PRKAR1A: variants seen among roughly 807,000 people sequenced by gnomAD.
PRKAR1A encodes the protein protein kinase cAMP-dependent type I regulatory subunit alpha, also known as cAMP-dependent protein kinase type I-alpha regulatory subunit.
A neutral mutation model predicts 52.0 loss-of-function variants in PRKAR1A; 3 were observed. The observed-to-expected ratio is 0.06, with a 90% CI of 0.03 to 0.15. The LOEUF (loss-of-function observed/expected upper bound fraction) is 0.15. Ranked by LOEUF, PRKAR1A falls within the 10% of genes least tolerant of loss-of-function variation. The pLI, the probability that PRKAR1A is intolerant of heterozygous loss-of-function variation, is 1.00. For synonymous variants in PRKAR1A, 188 were observed against 168.4 expected, an observed-to-expected ratio of 1.12 and a Z score of -0.90; for missense variants, 240 against 477.4, an observed-to-expected ratio of 0.50 and a Z score of 4.63.
chr17:68,457,181 G>A, the PRKAR1A span, among the ~76,000 whole-genome samples: 3 of 152,172 alleles, frequency 2.0e-5, no homozygotes, highest in Non-Finnish European at 2.9e-5. Context: ...CCCCACTGAA[G>A]GGGTACGGGG....
At chr17:68,534,034 A>G (rs952823493), downstream of PRKAR1A, among the ~76,000 whole-genome samples, 4 of 152,138 alleles carry the variant, frequency 2.6e-5, no homozygotes, top group Non-Finnish European at 2.9e-5. Flanking sequence ...TCCCAAAGGT[A>G]TTATTATAAT....
intron 11 of PRKAR1A, chr17:68,541,578 G>C: frequency 5.1e-6 from 1 of 196,458 alleles, no homozygotes; most frequent in Non-Finnish European, 1.1e-5. Context: ...GGATACAGCA[G>C]TGAGGTCCTT....
chr17:68,444,080 C>G, the PRKAR1A span, among the ~76,000 whole-genome samples: 1 of 152,188 alleles, frequency 6.6e-6, no homozygotes, highest in Admixed American at 6.5e-5. Context: ...TTCAGATTGT[C>G]TTTTTGCTGG....
At chr17:68,544,681 T>G (rs111566008) in intron 11 of PRKAR1A, among the ~76,000 whole-genome samples, 6 of 152,244 alleles carry the variant, frequency 3.9e-5, no homozygotes, top group African/African-American at 1.4e-4. Context: ...AAGTAGAGAT[T>G]CTATTTTAAA....
chr17:68,465,351 C>A, the PRKAR1A span, among the ~76,000 whole-genome samples: 6 of 152,144 alleles, frequency 3.9e-5, no homozygotes, highest in Non-Finnish European at 5.9e-5. Context: ...AATACGCTTC[C>A]CTTCTGCTGG....
chr17:68,539,235 C>T (rs2086187924), intron 11 of PRKAR1A: 2 of 1,108,052 alleles, frequency 1.8e-6, no homozygotes, highest in Non-Finnish European at 2.8e-6. Context: ...CCACTTACGT[C>T]CTGGACCAGT....
chr17:68,549,935 T>C (rs1320110750), intron 11 of PRKAR1A, among the ~76,000 whole-genome samples: 1 of 152,250 alleles, frequency 6.6e-6, no homozygotes, highest in East Asian at 1.9e-4. Flanking sequence ...CCTGAAATTG[T>C]CCCTTGGAAA....
At chr17:68,496,028 T>C in the PRKAR1A span, among the ~76,000 whole-genome samples, 67 of 856 alleles carry the variant, frequency 0.078, 3 homozygotes, top group Non-Finnish European at 0.09. Flanking sequence ...GCTCCCCTCC[T>C]CTCCCCTCCT....
the PRKAR1A span, among the ~76,000 whole-genome samples, chr17:68,496,642 A>G: frequency 6.6e-6 from 1 of 152,088 alleles, no homozygotes; most frequent in Non-Finnish European, 1.5e-5. Flanking sequence ...GTGAGCTCCT[A>G]TGGTAAAAAG....
chr17:68,503,851 C>G, the PRKAR1A span, among the ~76,000 whole-genome samples: 1 of 152,080 alleles, frequency 6.6e-6, no homozygotes, highest in African/African-American at 2.4e-5. Context: ...ATCATAGCAC[C>G]CCAGTTAAAA....
intron 11 of PRKAR1A, chr17:68,539,931 T>C: frequency 1.2e-6 from 2 of 1,614,166 alleles, no homozygotes; most frequent in Non-Finnish European, 1.7e-6. Flanking sequence ...TCCCCGAACT[T>C]GGTGAACATC....
At chr17:68,535,669 ATTT>A, downstream of PRKAR1A, 1 of 370,568 alleles carries the variant, frequency 2.7e-6, no homozygotes. Context: ...TTAAAAAAAA[ATTT>A]TTTTTTTTTT....
rs147079634 is a variant in PRKAR1A at position 68,541,592 on chromosome 17, C to T, written c.974-9492C>T. ...GGGATACAGCAGTGAGGTCCTTGGT[C>T]TCCCAGGGCTTGCTCGGGAACCAGG... On this transcript the variant is annotated intron_variant, in intron 11 of 11. Transcript: ENST00000585981. 705 of 194,786 alleles carry T rather than the reference C, an allele frequency of 3.6e-3. 3 individuals are homozygous for T. The highest frequency in any genetic ancestry group is 5.7e-3 in the Non-Finnish European group (532 of 93,620). 12.1% of individuals were successfully genotyped at this position (194,786 alleles called of 1,614,324 possible).
the PRKAR1A span, among the ~76,000 whole-genome samples, chr17:68,452,519 C>T: frequency 6.6e-6 from 1 of 152,080 alleles, no homozygotes; most frequent in South Asian, 2.1e-4. Flanking sequence ...GAGCCAAGAT[C>T]GTGCCACTGC....
chr17:68,500,002 C>T, the PRKAR1A span, among the ~76,000 whole-genome samples: 1 of 152,208 alleles, frequency 6.6e-6, no homozygotes, highest in Non-Finnish European at 1.5e-5. Context: ...TTTTTATACC[C>T]AGGACAGGAT....
chr17:68,531,725 A>C lies in PRKAR1A; in HGVS notation c.*1276A>C. On this transcript the variant is annotated 3_prime_UTR_variant, in exon 11 of 11. Coordinates refer to ENST00000589228, the MANE Select transcript of PRKAR1A (RefSeq NM_002734.5). ...CAAACTTTTCTTTCTTTTCTTTTTT[A>C]AAGTAAACTTGTGTATTGAGTCTTA... 1 of 1,059,116 alleles carries C rather than the reference A, an allele frequency of 9.4e-7. No homozygotes were observed. The highest frequency in any genetic ancestry group is 1.1e-6 in the Non-Finnish European group (1 of 873,146). 65.6% of individuals were successfully genotyped at this position (1,059,116 alleles called of 1,614,324 possible). A position where few individuals can be genotyped will look rare whatever the true frequency, so the allele number is the denominator to read the frequency against.
At chr17:68,466,722 C>T in the PRKAR1A span, among the ~76,000 whole-genome samples, 1 of 152,056 alleles carries the variant, frequency 6.6e-6, no homozygotes, top group African/African-American at 2.4e-5. Context: ...ATGTTTTCTC[C>T]TATCTTATGT....
chr17:68,535,125 A>G (rs1365995932), downstream of PRKAR1A: 10 of 369,388 alleles, frequency 2.7e-5, no homozygotes, highest in East Asian at 5.1e-4. Flanking sequence ...CTCAGAGTCA[A>G]GAGACTTTTT....
In PRKAR1A at chr17:68,530,477, C is replaced by T. The variant is rs1334297713; in HGVS notation, c.*28C>T. The stretch of plus-strand genomic sequence containing the variant: ...TCTGCCTCCTGTGCCTCCCTTTTCT[C>T]CTCTCCCCAATCCATGCTTCACTCA... On this transcript the variant is annotated 3_prime_UTR_variant, in exon 11 of 11. Transcript: ENST00000589228. 3 of 1,613,934 alleles carry T rather than the reference C, an allele frequency of 1.9e-6. No individual in the cohort carries two copies. Among genetic ancestry groups the T allele is most frequent in the South Asian group, 2.2e-5 (2 of 91,072 alleles).
Sources: allele counts gnomAD v4.1 joint callset (sites outside exome capture counted in the v4.1 genomes callset), GRCh38; gene constraint gnomAD v4.1.1; transcripts MANE v1.5; gene names NCBI Gene and HGNC (gene_info 2026-07-23, HGNC 2026-07-21).